ANKRD33B: variants seen among roughly 807,000 people sequenced by gnomAD.
ANKRD33B encodes ankyrin repeat domain 33B, also known as ankyrin repeat domain-containing protein 33B.
In ANKRD33B, 6 loss-of-function variants were observed where a neutral mutation model predicts 21.5. That is an observed-to-expected ratio of 0.28 (90% CI 0.15 to 0.55). ANKRD33B has a LOEUF of 0.55. Ranked by LOEUF, ANKRD33B falls within the 20% of genes least tolerant of loss-of-function variation. ANKRD33B has a pLI of 0.94. For missense variants in ANKRD33B, 698 were observed against 747.2 expected (o/e 0.93, Z 0.77); for synonymous variants, 347 against 342.4 (o/e 1.01, Z -0.15).
intron 1 of ANKRD33B, among the ~76,000 whole-genome samples, chr5:10,591,721 T>G: frequency 6.6e-6 from 1 of 152,182 alleles, no homozygotes; most frequent in East Asian, 1.9e-4. Context: ...ATTTACTGGC[T>G]TTTTGCTATT....
rs769227629 is a variant in ANKRD33B at position 10,655,888 on chromosome 5, G to C, written c.*5775G>C. On this transcript the variant is annotated 3_prime_UTR_variant, in exon 4 of 4. Transcript: ENST00000296657. ...GCCGCTTTCAGCCGGCACCTGCATGGGACTGCCTGGAGGGCCACGGTCCAG... is the reference window on the plus strand; with the variant it reads ...GCCGCTTTCAGCCGGCACCTGCATGCGACTGCCTGGAGGGCCACGGTCCAG... The C allele has an allele frequency of 1.3e-5, 2 of 152,442 alleles. No individual in the cohort carries two copies. Among genetic ancestry groups the C allele is most frequent in the Admixed American group, 1.3e-4 (2 of 15,302 alleles). The allele number at this position is 152,442 out of a possible 1,614,324, so 9.4% of individuals were successfully genotyped here.
intron 2 of ANKRD33B, among the ~76,000 whole-genome samples, chr5:10,620,043 A>T (rs1579739734): frequency 6.6e-6 from 1 of 152,238 alleles, no homozygotes; most frequent in Non-Finnish European, 1.5e-5. Context: ...GCGTGTGTCT[A>T]GGAGAGATGA....
rs1042140048 is a variant in ANKRD33B, at chr5:10,564,187, G to A, written c.-281G>A. On this transcript the variant is annotated 5_prime_UTR_variant, in exon 1 of 4. Coordinates refer to ENST00000296657, the MANE Select transcript of ANKRD33B (RefSeq NM_001164440.2). ...CTGGCTCTGAACTCTGGCCAGGAAG[G>A]GGCGCGAGGGGAAGGCCCCGGGGGA... The A allele has an allele frequency of 1.3e-5, 2 of 153,968 alleles. No homozygotes were observed. The highest frequency in any genetic ancestry group is 2.4e-5 in the African/African-American group (1 of 41,496). The allele number at this position is 153,968 out of a possible 1,614,324, so 9.5% of individuals were successfully genotyped here. A position where few individuals can be genotyped will look rare whatever the true frequency, so the allele number is the denominator to read the frequency against.
chr5:10,587,009 T>A (rs879797768), intron 1 of ANKRD33B, among the ~76,000 whole-genome samples: 39 of 151,874 alleles, frequency 2.6e-4, no homozygotes, highest in Non-Finnish European at 4.6e-4. Flanking sequence ...TTATTTATTA[T>A]TTATTTATTT....
Position 10,581,904 on chromosome 5 carries a change from C to A in ANKRD33B, c.366+17071C>A, listed in dbSNP as rs1310621408. ...CATGAGCCAGTTTCTTAAAATAAAT[C>A]TCTTTATGTCTGTATCTCCTCTTGG... On this transcript the variant is annotated intron_variant, in intron 1 of 3. Transcript: ENST00000296657. Among the ~76,000 whole-genome samples the A allele has an allele frequency of 3.9e-5, 6 of 152,302 alleles. No homozygotes were observed. In the East Asian group the frequency reaches 1.2e-3, roughly 29 times the overall value.
intron 1 of ANKRD33B, among the ~76,000 whole-genome samples, chr5:10,617,940 T>C (rs1736323224): frequency 6.6e-6 from 1 of 152,190 alleles, no homozygotes; most frequent in Non-Finnish European, 1.5e-5. Context: ...AAGCCCAGCC[T>C]GACCACTCTA....
chr5:10,598,661 G>C (rs1409789771), intron 1 of ANKRD33B, among the ~76,000 whole-genome samples: 1 of 152,078 alleles, frequency 6.6e-6, no homozygotes, highest in African/African-American at 2.4e-5. Context: ...ACTGGTCTTG[G>C]AACTCCTGGG....
intron 1 of ANKRD33B, among the ~76,000 whole-genome samples, chr5:10,590,986 C>G (rs1331547994): frequency 2.0e-5 from 3 of 152,128 alleles, no homozygotes; most frequent in Admixed American, 6.5e-5. Flanking sequence ...GGAAAAGTGC[C>G]TCTGATTGAA....
intron 3 of ANKRD33B, among the ~76,000 whole-genome samples, chr5:10,643,207 G>C (rs1195399042): frequency 6.6e-6 from 1 of 151,984 alleles, no homozygotes; most frequent in Non-Finnish European, 1.5e-5. Context: ...CTGGCCAGGG[G>C]TTTCTTAATT....
Position 10,618,425 on chromosome 5 carries a change from C to T in ANKRD33B, c.459C>T (p.Ser153=), listed in dbSNP as rs372641307. Reference sequence around the variant, plus strand: ...ACGTTGACGTCAACTGGCAGGACAGCGAGGGGAACACAGCCCTAATCACAG... The same window carrying T: ...ACGTTGACGTCAACTGGCAGGACAGTGAGGGGAACACAGCCCTAATCACAG... ...CPHVDVNWQD[S]EGNTALITAA... The change falls in exon 2 of 4, where the codon AGC becomes AGT. Residue 153 remains serine (S), a synonymous_variant. Transcript: ENST00000296657. 126 of 1,537,000 alleles carry T rather than the reference C, an allele frequency of 8.2e-5. No individual in the cohort carries two copies. The highest frequency in any genetic ancestry group is 1.0e-4 in the Non-Finnish European group (119 of 1,146,698).
Position 10,564,761 on chromosome 5 carries a change from G to A in ANKRD33B, c.294G>A (p.Val98=). ...TLLRAACANN[V]GLLRTLVRRG... The stretch of plus-strand genomic sequence containing the variant: ...TGCGCGCCGCCTGCGCCAACAACGT[G>A]GGGCTGCTGCGGACGCTGGTGCGGC... The change falls in exon 1 of 4, where the codon GTG becomes GTA. Residue 98 remains valine, a synonymous_variant. Transcript: ENST00000296657. The A allele has an allele frequency of 1.3e-6, 2 of 1,527,762 alleles. No homozygotes were observed. Among genetic ancestry groups the A allele is most frequent in the Non-Finnish European group, 1.8e-6 (2 of 1,141,572 alleles). The allele number at this position is 1,527,762 out of a possible 1,614,324, so 94.6% of individuals were successfully genotyped here.
Position 10,654,983 on chromosome 5 carries a change from C to T in ANKRD33B, c.*4870C>T, listed in dbSNP as rs893919624. ...ACATCTTCCTTCCTCTCAGGCTCCT[C>T]CTGACAGACTCCTGGCAGCACTGGA... On this transcript the variant is annotated 3_prime_UTR_variant, in exon 4 of 4. Transcript: ENST00000296657. The T allele has an allele frequency of 2.0e-5, 3 of 152,422 alleles. No individual in the cohort carries two copies. The highest frequency in any genetic ancestry group is 4.8e-5 in the African/African-American group (2 of 41,456). 9.4% of individuals were successfully genotyped at this position (152,422 alleles called of 1,614,324 possible).
At chr5:10,606,816 C>G (rs1470854833) in intron 1 of ANKRD33B, among the ~76,000 whole-genome samples, 1 of 151,646 alleles carries the variant, frequency 6.6e-6, no homozygotes, top group Non-Finnish European at 1.5e-5. Context: ...GCAAGCTCCG[C>G]CTCCCAGGTT....
chr5:10,649,438 G>A lies in ANKRD33B; in HGVS notation c.810G>A (p.Ala270=), dbSNP rs1309236936. 6.5e-6 allele frequency: 10 copies of A among 1,535,282 alleles called. No homozygotes were observed. The highest frequency in any genetic ancestry group is 1.2e-5 in the South Asian group (1 of 84,018). ...RPELPPPPEA[A]RKPAGSKNCL... ...AGCTGCCGCCGCCCCCTGAAGCGGC[G>A]CGGAAGCCCGCGGGCTCCAAGAACT... The change falls in exon 4 of 4, where the codon GCG becomes GCA. Residue 270 remains alanine (A), a synonymous_variant. Transcript: ENST00000296657.
chr5:10,638,758 G>A (rs551552050), intron 3 of ANKRD33B, among the ~76,000 whole-genome samples: 6 of 152,182 alleles, frequency 3.9e-5, no homozygotes, highest in African/African-American at 7.2e-5. Context: ...GCTTGTTAAC[G>A]TTAGGAGGCG....
chr5:10,636,515 G>C (rs770389817), intron 2 of ANKRD33B, among the ~76,000 whole-genome samples: 29 of 152,186 alleles, frequency 1.9e-4, no homozygotes, highest in Non-Finnish European at 3.5e-4. Context: ...TACTTGGGAG[G>C]CTGAGGAGGG....
chr5:10,612,931 G>A (rs532791830), intron 1 of ANKRD33B, among the ~76,000 whole-genome samples: 50 of 152,286 alleles, frequency 3.3e-4, no homozygotes, highest in African/African-American at 1.1e-3. Flanking sequence ...CATCTCCCCC[G>A]ACCTATTGCT....
rs535602811 is a variant in ANKRD33B at position 10,581,811 on chromosome 5, A to G, written c.366+16978A>G. Among the ~76,000 whole-genome samples the G allele has an allele frequency of 4.6e-5, 7 of 151,912 alleles. No individual in the cohort carries two copies. The South Asian group carries it at 6.2e-4, about 14-fold the overall frequency. ...ATTCTGCCTCAAAGCTGCAGCCTCAACTCCTGCCTGAGTTTCCAGCCTGCC... is the reference window on the plus strand; with the variant it reads ...ATTCTGCCTCAAAGCTGCAGCCTCAGCTCCTGCCTGAGTTTCCAGCCTGCC... On this transcript the variant is annotated intron_variant, in intron 1 of 3. Coordinates refer to ENST00000296657, the MANE Select transcript of ANKRD33B (RefSeq NM_001164440.2).
chr5:10,657,163 C>T lies in ANKRD33B; in HGVS notation c.*7050C>T, dbSNP rs1434043249. The stretch of plus-strand genomic sequence containing the variant: ...TGATGAAAACCGCAAAAGGCGATGA[C>T]AGGCCCAGAAATATGACCAGCAAGC... On this transcript the variant is annotated 3_prime_UTR_variant, in exon 4 of 4. Transcript: ENST00000296657. The T allele has an allele frequency of 6.6e-6, 1 of 152,368 alleles. No homozygotes were observed. Among genetic ancestry groups the T allele is most frequent in the Non-Finnish European group, 1.5e-5 (1 of 68,046 alleles). 9.4% of individuals were successfully genotyped at this position (152,368 alleles called of 1,614,324 possible).
Sources: allele counts gnomAD v4.1 joint callset (sites outside exome capture counted in the v4.1 genomes callset), GRCh38; gene constraint gnomAD v4.1.1; transcripts MANE v1.5; gene names NCBI Gene and HGNC (gene_info 2026-07-23, HGNC 2026-07-21).